Variants in ADAMTS6 observed in about 807,000 individuals in gnomAD.
The protein encoded by ADAMTS6 is ADAM metallopeptidase with thrombospondin type 1 motif 6.
In ADAMTS6, 23 loss-of-function variants were observed where a neutral mutation model predicts 144.3. That is an observed-to-expected ratio of 0.16 (90% CI 0.11 to 0.23). ADAMTS6 has a LOEUF of 0.23. Among genes scored for constraint, ADAMTS6 ranks in the 10% least tolerant of loss-of-function variants. The pLI is 1.00. For synonymous variants in ADAMTS6, 444 were observed against 457.5 expected (o/e 0.97, Z 0.38); for missense variants, 999 against 1,379.6 (o/e 0.72, Z 4.37).
At chr5:65,318,221 A>G (rs768084654) in intron 9 of ADAMTS6, among the ~76,000 whole-genome samples, 4 of 152,322 alleles carry the variant, frequency 2.6e-5, no homozygotes, top group East Asian at 3.9e-4. Flanking sequence ...TCCAAAGGAC[A>G]GAAAGTAACA....
chr5:65,335,972 GA>G (rs1747268205), intron 7 of ADAMTS6, among the ~76,000 whole-genome samples: 1 of 151,916 alleles, frequency 6.6e-6, no homozygotes, highest in African/African-American at 2.4e-5. Context: ...AGCATTCCAA[GA>G]AAAGAATAGA....
chr5:65,272,928 CAAAA>C (rs775273661), intron 12 of ADAMTS6, among the ~76,000 whole-genome samples: 3 of 81,194 alleles, frequency 3.7e-5, no homozygotes, highest in Non-Finnish European at 5.2e-5. Context: ...GACCCTGTCT[CAAAA>C]AAAAAAAAAA....
At chr5:65,444,333 T>C (rs188658211) in intron 7 of ADAMTS6, among the ~76,000 whole-genome samples, 1 of 152,272 alleles carries the variant, frequency 6.6e-6, no homozygotes, top group East Asian at 1.9e-4. Context: ...GCCATTGCTC[T>C]CCAGCTTGGG....
At chr5:65,275,664 A>C (rs559655410) in intron 11 of ADAMTS6, among the ~76,000 whole-genome samples, 2 of 151,870 alleles carry the variant, frequency 1.3e-5, no homozygotes, top group African/African-American at 4.8e-5. Flanking sequence ...CAGAACTTAA[A>C]GTAAAATAAA....
chr5:65,447,858 TA>T (rs1431241787), intron 7 of ADAMTS6, among the ~76,000 whole-genome samples: 1 of 150,336 alleles, frequency 6.7e-6, no homozygotes, highest in Admixed American at 6.6e-5. Flanking sequence ...TGAAATATAA[TA>T]AACTATAGAA....
At chr5:65,356,354 T>A (rs760462161) in intron 7 of ADAMTS6, among the ~76,000 whole-genome samples, 5 of 151,844 alleles carry the variant, frequency 3.3e-5, no homozygotes, top group Non-Finnish European at 7.4e-5. Context: ...AATAGAAAGA[T>A]CCCTAATTTT....
chr5:65,383,699 G>A (rs897128227), intron 7 of ADAMTS6, among the ~76,000 whole-genome samples: 1 of 152,158 alleles, frequency 6.6e-6, no homozygotes, highest in Non-Finnish European at 1.5e-5. Flanking sequence ...GGGTGTTGGG[G>A]GCATTCCCAC....
chr5:65,405,980 T>G (rs1211667551), intron 7 of ADAMTS6, among the ~76,000 whole-genome samples: 1 of 152,228 alleles, frequency 6.6e-6, no homozygotes, highest in Non-Finnish European at 1.5e-5. Context: ...TGCTTGTGAT[T>G]TTTACACATT....
At chr5:65,172,499 G>A (rs1448761034) in intron 23 of ADAMTS6, among the ~76,000 whole-genome samples, 3 of 152,058 alleles carry the variant, frequency 2.0e-5, no homozygotes, top group Non-Finnish European at 4.4e-5. Flanking sequence ...TTCCTTTTCA[G>A]TTGACAGCTG....
chr5:65,463,821 AG>A (rs2150270899), intron 3 of ADAMTS6, among the ~76,000 whole-genome samples: 1 of 152,286 alleles, frequency 6.6e-6, no homozygotes, highest in East Asian at 1.9e-4. Context: ...AAAAACCTGA[AG>A]CTCCCTAAAT....
chr5:65,176,453 G>A (rs760159427), intron 22 of ADAMTS6, among the ~76,000 whole-genome samples: 8 of 152,032 alleles, frequency 5.3e-5, no homozygotes, highest in Non-Finnish European at 1.0e-4. Flanking sequence ...TACATTAAAA[G>A]GTTAAAAAGT....
chr5:65,263,018 G>A, intron 12 of ADAMTS6, 56 bp from the exon 13 acceptor site: 1 of 1,608,368 alleles, frequency 6.2e-7, no homozygotes, highest in African/African-American at 1.3e-5. Flanking sequence ...GAGCTATCAG[G>A]ATAGAAATAC....
At chr5:65,414,374 T>G (rs907668145) in intron 7 of ADAMTS6, among the ~76,000 whole-genome samples, 11 of 152,192 alleles carry the variant, frequency 7.2e-5, no homozygotes, top group African/African-American at 2.4e-4. Flanking sequence ...TGTGTGCTTT[T>G]CACTTGTTAA....
chr5:65,291,980 A>G (rs1337310042), intron 10 of ADAMTS6, among the ~76,000 whole-genome samples: 9 of 152,206 alleles, frequency 5.9e-5, no homozygotes, highest in Admixed American at 5.9e-4. Flanking sequence ...GGGTTGAATG[A>G]CAGATGAGGC....
At chr5:65,207,137 C>T (rs1756159504) in intron 20 of ADAMTS6, among the ~76,000 whole-genome samples, 1 of 152,128 alleles carries the variant, frequency 6.6e-6, no homozygotes, top group Non-Finnish European at 1.5e-5. Flanking sequence ...TTCCTAACTC[C>T]TCAGTAATCT....
chr5:65,284,767 T>G (rs1038728098), intron 11 of ADAMTS6, among the ~76,000 whole-genome samples: 1 of 151,884 alleles, frequency 6.6e-6, no homozygotes, highest in African/African-American at 2.4e-5. Flanking sequence ...CTGGAAAGAG[T>G]AAAAATTAAT....
intron 11 of ADAMTS6, among the ~76,000 whole-genome samples, chr5:65,287,978 T>C (rs1021234597): frequency 2.6e-5 from 4 of 152,214 alleles, no homozygotes; most frequent in Admixed American, 2.0e-4. Flanking sequence ...GTTCTTTGTA[T>C]TTACAGCCAT....
At chr5:65,317,596 G>A (rs1183339366) in intron 9 of ADAMTS6, among the ~76,000 whole-genome samples, 1 of 152,030 alleles carries the variant, frequency 6.6e-6, no homozygotes, top group Non-Finnish European at 1.5e-5. Context: ...CACAGCAAAG[G>A]AAACAATCAA....
At chr5:65,253,652 C>A (rs1164233803) in intron 14 of ADAMTS6, among the ~76,000 whole-genome samples, 1 of 151,788 alleles carries the variant, frequency 6.6e-6, no homozygotes, top group East Asian at 1.9e-4. Context: ...ATAACAGACA[C>A]CTGGGCATCA....
Sources: gnomAD v4.1 joint callset for allele counts (sites outside exome capture counted in the v4.1 genomes callset) on GRCh38, gnomAD v4.1.1 for gene constraint, MANE v1.5 for transcripts, NCBI Gene and HGNC (gene_info 2026-07-23, HGNC 2026-07-21) for gene names.